The following CFAP61 variants were observed in gnomAD, a reference collection of about 807,000 sequenced individuals.
The protein encoded by CFAP61 is cilia and flagella associated protein 61, also known as cilia- and flagella-associated protein 61.
Under a neutral mutation model 135.6 loss-of-function variants are expected in CFAP61, and 107 were observed. The ratio of observed to expected loss-of-function variants is 0.79; its 90% CI spans 0.67 to 0.93. The LOEUF (loss-of-function observed/expected upper bound fraction) is 0.93, where lower values mean the gene tolerates loss of function less well. Among genes scored for constraint, CFAP61 ranks in the 40% least tolerant of loss-of-function variants. The pLI is 0.00. For missense variants in CFAP61, 1,507 were observed against 1,556.2 expected, an observed-to-expected ratio of 0.97 and a Z score of 0.53; for synonymous variants, 575 against 578.5, an observed-to-expected ratio of 0.99 and a Z score of 0.09.
chr20:20,227,406 CA>C (rs1172111890), intron 17 of CFAP61, among the ~76,000 whole-genome samples: 2 of 152,116 alleles, frequency 1.3e-5, no homozygotes, highest in African/African-American at 4.8e-5. Context: ...TAGTAAGCAC[CA>C]AAAAATGTGT....
intron 13 of CFAP61, among the ~76,000 whole-genome samples, chr20:20,183,564 G>C (rs1304517731): frequency 2.0e-5 from 3 of 152,222 alleles, no homozygotes; most frequent in Admixed American, 1.3e-4. Context: ...GGAATACGCT[G>C]TGAGCCACAT....
At position 20,196,550 on chromosome 20, in the gene CFAP61, C is replaced by T; in HGVS notation, c.1591-20C>T. 6.4e-7 allele frequency: 1 copy of T among 1,559,730 alleles called. No individual in the cohort carries two copies. Among genetic ancestry groups the T allele is most frequent in the Non-Finnish European group, 8.8e-7 (1 of 1,130,626 alleles). ...TGTTTAAAATGCTTGTAGAAACCATCCCTTCTGTCTCTTCTGTAGGACATT... is the reference window on the plus strand; with the variant it reads ...TGTTTAAAATGCTTGTAGAAACCATTCCTTCTGTCTCTTCTGTAGGACATT... On this transcript the variant is annotated intron_variant, in intron 15 of 26. Transcript: ENST00000245957.
At chr20:20,344,334 G>A (rs758568385) in intron 26 of CFAP61, among the ~76,000 whole-genome samples, 4 of 152,174 alleles carry the variant, frequency 2.6e-5, no homozygotes, top group Non-Finnish European at 4.4e-5. Flanking sequence ...GTGGAGAAGG[G>A]CTGCTGTGGA....
At chr20:20,161,143 C>T (rs1406893050) in intron 10 of CFAP61, among the ~76,000 whole-genome samples, 1 of 152,190 alleles carries the variant, frequency 6.6e-6, no homozygotes, top group Non-Finnish European at 1.5e-5. Context: ...CAGTTGGTCA[C>T]TCCCTGTGCC....
At chr20:20,293,369 G>A (rs1223449233) in intron 24 of CFAP61, among the ~76,000 whole-genome samples, 1 of 152,194 alleles carries the variant, frequency 6.6e-6, no homozygotes, top group African/African-American at 2.4e-5. Context: ...TAACCATTTT[G>A]CCAGGTGGGC....
chr20:20,169,825 A>T (rs1448436425), intron 13 of CFAP61, among the ~76,000 whole-genome samples: 2 of 152,234 alleles, frequency 1.3e-5, no homozygotes, highest in African/African-American at 4.8e-5. Flanking sequence ...AGTGTGTGTC[A>T]CAACAGTGGG....
chr20:20,232,884 T>C (rs1350310879), intron 18 of CFAP61: 5 of 152,196 alleles, frequency 3.3e-5, no homozygotes, highest in African/African-American at 1.2e-4. Flanking sequence ...CACTGATTCA[T>C]AGGAAGCACC....
intron 20 of CFAP61, among the ~76,000 whole-genome samples, chr20:20,261,235 T>G (rs1470125914): frequency 4.6e-5 from 7 of 152,338 alleles, no homozygotes; most frequent in African/African-American, 1.7e-4. Flanking sequence ...GTACTAAGGC[T>G]TTACAATTTC....
intron 8 of CFAP61, among the ~76,000 whole-genome samples, chr20:20,102,651 A>G (rs1286582676): frequency 6.6e-6 from 1 of 151,910 alleles, no homozygotes; most frequent in Non-Finnish European, 1.5e-5. Flanking sequence ...CCACCCTCAA[A>G]AGGCCCCAGT....
chr20:20,096,431 A>G (rs1207904578), intron 7 of CFAP61, among the ~76,000 whole-genome samples: 1 of 152,246 alleles, frequency 6.6e-6, no homozygotes, highest in Non-Finnish European at 1.5e-5. Flanking sequence ...TTTCATCAGA[A>G]TGTGTGATCC....
intron 1 of CFAP61, chr20:20,056,001 A>G: frequency 6.2e-7 from 1 of 1,609,466 alleles, no homozygotes; most frequent in Non-Finnish European, 8.5e-7. Context: ...TAGGTTCTCC[A>G]CTGTTGCCGT....
At chr20:20,233,007 C>A (rs1029310946) in intron 18 of CFAP61, 3 of 152,320 alleles carry the variant, frequency 2.0e-5, no homozygotes, top group African/African-American at 4.8e-5. Context: ...AGACTTTCAG[C>A]CTAGACACTG....
At chr20:20,058,233 T>TA (rs3834759) in intron 2 of CFAP61, among the ~76,000 whole-genome samples, 12,113 of 152,156 alleles carry the variant, frequency 0.08, 1,339 homozygotes, top group East Asian at 0.6. Context: ...ATAAAATGCC[T>TA]AAAAAATAGA....
intron 8 of CFAP61, among the ~76,000 whole-genome samples, chr20:20,106,855 C>CA (rs1017853874): frequency 2.1e-4 from 32 of 151,450 alleles, no homozygotes; most frequent in Admixed American, 7.9e-4. Flanking sequence ...AAAGATTATG[C>CA]AAAAAAAATC....
At chr20:20,161,132 C>T (rs2146801737) in intron 10 of CFAP61, among the ~76,000 whole-genome samples, 2 of 152,284 alleles carry the variant, frequency 1.3e-5, no homozygotes, top group Middle Eastern at 6.8e-3. Flanking sequence ...GACTCACTGA[C>T]CAGTTGGTCA....
intron 8 of CFAP61, among the ~76,000 whole-genome samples, chr20:20,135,827 A>G (rs2050882438): frequency 6.6e-6 from 1 of 152,178 alleles, no homozygotes; most frequent in African/African-American, 2.4e-5. Context: ...TACTGTTACC[A>G]ATGAGTTTTG....
At chr20:20,053,058 A>G (rs1600272781) in intron 1 of CFAP61, among the ~76,000 whole-genome samples, 1 of 152,244 alleles carries the variant, frequency 6.6e-6, no homozygotes, top group African/African-American at 2.4e-5. Context: ...AAACATGTTT[A>G]AATTCTGTGT....
chr20:20,135,347 A>G (rs2050842166), intron 8 of CFAP61, among the ~76,000 whole-genome samples: 1 of 152,114 alleles, frequency 6.6e-6, no homozygotes, highest in African/African-American at 2.4e-5. Flanking sequence ...GTGAGTGGTA[A>G]TTTTTTACAG....
chr20:20,199,698 C>T (rs2056505313), intron 16 of CFAP61, 70 bp from the exon 17 acceptor site: 1 of 1,549,152 alleles, frequency 6.5e-7, no homozygotes, highest in Non-Finnish European at 8.8e-7. Flanking sequence ...ATTTGTAAAG[C>T]TGTACGCAGA....
Sources: allele counts gnomAD v4.1 joint callset (sites outside exome capture counted in the v4.1 genomes callset), GRCh38; gene constraint gnomAD v4.1.1; transcripts MANE v1.5; gene names NCBI Gene and HGNC (gene_info 2026-07-23, HGNC 2026-07-21).